Variants in ERBB4 observed in about 807,000 individuals in gnomAD.
ERBB4 encodes the protein receptor tyrosine-protein kinase erbB-4.
Under a neutral mutation model 158.0 loss-of-function variants are expected in ERBB4, and 42 were observed. That is an observed-to-expected ratio of 0.27 (90% CI 0.21 to 0.34). ERBB4 has a LOEUF of 0.34. Ranked by LOEUF, ERBB4 falls within the 10% of genes least tolerant of loss-of-function variation. The pLI, the probability that ERBB4 is intolerant of heterozygous loss-of-function variation, is 1.00. For synonymous variants in ERBB4, 583 were observed against 558.7 expected, an observed-to-expected ratio of 1.04 and a Z score of -0.61; for missense variants, 1,333 against 1,624.1, an observed-to-expected ratio of 0.82 and a Z score of 3.08.
At chr2:211,434,403 C>T (rs1198754796) in intron 20 of ERBB4, among the ~76,000 whole-genome samples, 2 of 152,038 alleles carry the variant, frequency 1.3e-5, no homozygotes, top group African/African-American at 2.4e-5. Context: ...AAGAGACCTT[C>T]GAGAGATCTG....
intron 1 of ERBB4, among the ~76,000 whole-genome samples, chr2:212,304,856 A>G (rs1463930764): frequency 2.0e-5 from 3 of 151,490 alleles, no homozygotes; most frequent in African/African-American, 7.3e-5. Flanking sequence ...ATGTAATCAG[A>G]GAAAGATTAG....
intron 1 of ERBB4, among the ~76,000 whole-genome samples, chr2:212,422,709 A>G (rs941486769): frequency 1.3e-5 from 2 of 152,240 alleles, no homozygotes; most frequent in African/African-American, 4.8e-5. Context: ...ATCTACCATT[A>G]TAAGATATAA....
intron 1 of ERBB4, among the ~76,000 whole-genome samples, chr2:212,134,951 G>A (rs1335296087): frequency 6.6e-6 from 1 of 152,072 alleles, no homozygotes; most frequent in South Asian, 2.1e-4. Context: ...CTCCCAAAGT[G>A]CTGGGATTAT....
chr2:211,396,324 G>A (rs1467937449), intron 25 of ERBB4, among the ~76,000 whole-genome samples: 1 of 151,798 alleles, frequency 6.6e-6, no homozygotes, highest in Non-Finnish European at 1.5e-5. Flanking sequence ...CTTTTGTTTT[G>A]TTTTTCTTAT....
chr2:212,243,228 T>C (rs988065491), intron 1 of ERBB4, among the ~76,000 whole-genome samples: 7 of 152,194 alleles, frequency 4.6e-5, no homozygotes, highest in Non-Finnish European at 7.3e-5. Flanking sequence ...AGCGACCAGA[T>C]TGGGAAGCCA....
At chr2:212,371,813 T>C (rs967690361) in intron 1 of ERBB4, among the ~76,000 whole-genome samples, 1 of 152,132 alleles carries the variant, frequency 6.6e-6, no homozygotes, top group African/African-American at 2.4e-5. Context: ...GAGAGGCTCA[T>C]TCTCTCCTCT....
intron 16 of ERBB4, among the ~76,000 whole-genome samples, chr2:211,638,209 C>T (rs934011158): frequency 2.6e-5 from 4 of 151,510 alleles, no homozygotes; most frequent in East Asian, 1.9e-4. Context: ...AAGGTAAAGA[C>T]GAGCAGTATC....
chr2:211,437,491 T>C (rs1208763018), intron 20 of ERBB4, among the ~76,000 whole-genome samples: 1 of 152,226 alleles, frequency 6.6e-6, no homozygotes, highest in African/African-American at 2.4e-5. Flanking sequence ...TTCAATCTTA[T>C]GATATGTGAG....
At chr2:211,626,192 C>T (rs1404251436) in intron 17 of ERBB4, among the ~76,000 whole-genome samples, 1 of 152,144 alleles carries the variant, frequency 6.6e-6, no homozygotes, top group Non-Finnish European at 1.5e-5. Context: ...ATATTGTAAG[C>T]ACTAAATCTG....
intron 19 of ERBB4, among the ~76,000 whole-genome samples, chr2:211,579,125 T>G (rs1468016383): frequency 1.3e-5 from 2 of 151,804 alleles, no homozygotes; most frequent in African/African-American, 4.8e-5. Context: ...ACAATCCCAC[T>G]AAAAAGTGGG....
intron 3 of ERBB4, among the ~76,000 whole-genome samples, chr2:211,911,821 CT>C (rs201039133): frequency 0.058 from 7,996 of 137,128 alleles, 248 homozygotes; most frequent in East Asian, 0.16. Context: ...TTATTCTTTT[CT>C]TTTTTTTTTT....
intron 1 of ERBB4, among the ~76,000 whole-genome samples, chr2:212,293,067 T>G (rs1416132867): frequency 2.6e-5 from 4 of 152,052 alleles, no homozygotes; most frequent in Non-Finnish European, 5.9e-5. Context: ...CCTAATCTAC[T>G]GACAGTAGCT....
At chr2:211,779,170 T>A (rs1207188716) in intron 4 of ERBB4, 1 of 152,194 alleles carries the variant, frequency 6.6e-6, no homozygotes, top group African/African-American at 2.4e-5. Context: ...ATTATTGCTA[T>A]CCCTACTGGC....
chr2:211,667,351 T>A (rs538802858), intron 14 of ERBB4, among the ~76,000 whole-genome samples: 1 of 151,322 alleles, frequency 6.6e-6, no homozygotes, highest in Non-Finnish European at 1.5e-5. Context: ...GAAGAAAAAG[T>A]AATCAGGAAG....
intron 16 of ERBB4, among the ~76,000 whole-genome samples, chr2:211,645,055 C>T (rs1284750193): frequency 6.7e-6 from 1 of 149,062 alleles, no homozygotes; most frequent in Non-Finnish European, 1.5e-5. Flanking sequence ...CTGGAAAACA[C>T]TAACATCTCT....
chr2:211,817,096 G>C (rs2076894976), intron 3 of ERBB4, among the ~76,000 whole-genome samples: 1 of 152,158 alleles, frequency 6.6e-6, no homozygotes, highest in Non-Finnish European at 1.5e-5. Flanking sequence ...TTTGATTATA[G>C]TCCCTGGCTC....
rs57466272 is a variant in ERBB4 at position 211,630,611 on chromosome 2, G to GAA, written c.1947-19_1947-18dup. 1,889 of 1,314,336 alleles carry GAA rather than the reference G, an allele frequency of 1.4e-3. 15 individuals are homozygous for GAA. In the African/African-American group the frequency reaches 0.026, roughly 18 times the overall value. 81.4% of individuals were successfully genotyped at this position (1,314,336 alleles called of 1,614,324 possible). On this transcript the variant is annotated splice_polypyrimidine_tract_variant and intron_variant, in intron 16 of 27. Coordinates refer to ENST00000342788, the MANE Select transcript of ERBB4 (RefSeq NM_005235.3). ...AGGGGAGTTCTGACAACCAGAATGA[G>GAA]AAAAAAAAAAATAAAAAGTATGAAG...
At chr2:211,695,136 C>CAA (rs2072965872) in intron 12 of ERBB4, among the ~76,000 whole-genome samples, 1 of 152,186 alleles carries the variant, frequency 6.6e-6, no homozygotes, top group African/African-American at 2.4e-5. Context: ...ATTAAGCAAA[C>CAA]ACTGTTTTAT....
chr2:211,927,174 G>A (rs1231867160), intron 3 of ERBB4, among the ~76,000 whole-genome samples: 1 of 152,114 alleles, frequency 6.6e-6, no homozygotes, highest in African/African-American at 2.4e-5. Context: ...CCTAACATAA[G>A]CACTGAAATT....
Sources: gnomAD v4.1 joint callset for allele counts (sites outside exome capture counted in the v4.1 genomes callset) on GRCh38, gnomAD v4.1.1 for gene constraint, MANE v1.5 for transcripts, NCBI Gene and HGNC (gene_info 2026-07-23, HGNC 2026-07-21) for gene names.